The following KCNQ3 variants were observed in gnomAD, a reference collection of about 807,000 sequenced individuals.
The protein encoded by KCNQ3 is potassium voltage-gated channel subfamily KQT member 3.
KCNQ3 carries 30 observed loss-of-function variants against 92.5 expected under a neutral mutation model. That is an observed-to-expected ratio of 0.32 (90% CI 0.24 to 0.44). The LOEUF (loss-of-function observed/expected upper bound fraction) is 0.44, where lower values mean the gene tolerates loss of function less well. Ranked by LOEUF, KCNQ3 falls within the 20% of genes least tolerant of loss-of-function variation. The pLI is 1.00. For missense variants in KCNQ3, 913 were observed against 1,140.3 expected (o/e 0.80, Z 2.87); for synonymous variants, 450 against 468.8 (o/e 0.96, Z 0.52).
chr8:132,245,965 T>TA (rs1430784632), intron 1 of KCNQ3, among the ~76,000 whole-genome samples: 1 of 139,790 alleles, frequency 7.2e-6, no homozygotes, highest in Admixed American at 7.9e-5. Flanking sequence ...AGTTGGTGAA[T>TA]AAATATTCAC....
chr8:132,186,402 G>A (rs1826957163), intron 1 of KCNQ3, among the ~76,000 whole-genome samples: 1 of 152,214 alleles, frequency 6.6e-6, no homozygotes, highest in Admixed American at 6.5e-5. Flanking sequence ...TGACCAATGT[G>A]CATACTTTTA....
At chr8:132,187,918 T>TTGGTGGTGATAGTGATGGTGGTGGTGG (rs1827050771) in intron 1 of KCNQ3, among the ~76,000 whole-genome samples, 1 of 113,498 alleles carries the variant, frequency 8.8e-6, no homozygotes, top group Non-Finnish European at 1.9e-5. Flanking sequence ...GGTGGTGGTG[T>TTGGTGGTGATAGTGATGGTGGTGGTGG]TGGTGGTGAT....
At chr8:132,444,314 C>T (rs1440256602) in intron 1 of KCNQ3, among the ~76,000 whole-genome samples, 3 of 152,196 alleles carry the variant, frequency 2.0e-5, no homozygotes, top group African/African-American at 7.2e-5. Context: ...TGGCATTAAG[C>T]TCTGTTTCTG....
intron 8 of KCNQ3, among the ~76,000 whole-genome samples, chr8:132,169,505 G>A (rs895517890): frequency 9.9e-5 from 15 of 152,180 alleles, no homozygotes; most frequent in African/African-American, 2.4e-4. Flanking sequence ...ACGAAACAGC[G>A]TCTCTGGGTG....
intron 1 of KCNQ3, among the ~76,000 whole-genome samples, chr8:132,251,403 T>A (rs1316105348): frequency 6.6e-6 from 1 of 152,226 alleles, no homozygotes; most frequent in Admixed American, 6.5e-5. Context: ...ATGACCCCGT[T>A]GAAGATGCTG....
intron 1 of KCNQ3, among the ~76,000 whole-genome samples, chr8:132,338,255 TGTG>T (rs1485850029): frequency 2.6e-5 from 4 of 152,160 alleles, no homozygotes; most frequent in Non-Finnish European, 5.9e-5. Flanking sequence ...CACACATTAG[TGTG>T]TAAAGGCAGA....
intron 1 of KCNQ3, among the ~76,000 whole-genome samples, chr8:132,314,158 G>A (rs1817674649): frequency 1.3e-5 from 2 of 152,122 alleles, no homozygotes; most frequent in Admixed American, 1.3e-4. Flanking sequence ...GCTGTGAAGT[G>A]GCTGGATATA....
At chr8:132,425,799 T>TG (rs1157218490) in intron 1 of KCNQ3, among the ~76,000 whole-genome samples, 1 of 152,190 alleles carries the variant, frequency 6.6e-6, no homozygotes, top group Non-Finnish European at 1.5e-5. Flanking sequence ...ATTATTTAAG[T>TG]GGGGCACAAC....
intron 8 of KCNQ3, among the ~76,000 whole-genome samples, chr8:132,167,409 AG>A (rs1180963432): frequency 1.3e-5 from 2 of 152,204 alleles, no homozygotes; most frequent in East Asian, 1.9e-4. Context: ...TCACTTTAAA[AG>A]GGTACCTTTT....
Position 132,184,801 on chromosome 8 carries a change from T to G in KCNQ3, c.478-434A>C, listed in dbSNP as rs1263431069. 3.3e-5 allele frequency among the ~76,000 whole-genome samples: 5 copies of G among 152,170 alleles called. No individual in the cohort carries two copies. In the East Asian group the frequency reaches 9.6e-4, roughly 29 times the overall value. The stretch of plus-strand genomic sequence containing the variant: ...ATTGCTAATTGTGGCTAATGGTTAT[T>G]AAGCCTGGCTCCTGGGCCAGGCAGC... On this transcript the variant is annotated intron_variant, in intron 2 of 14. Transcript: ENST00000388996.
chr8:132,346,202 C>T (rs2130695809), intron 1 of KCNQ3, among the ~76,000 whole-genome samples: 1 of 152,208 alleles, frequency 6.6e-6, no homozygotes, highest in East Asian at 1.9e-4. Context: ...TCTTCTCTTC[C>T]CAGAGGGCTC....
intron 1 of KCNQ3, among the ~76,000 whole-genome samples, chr8:132,402,591 G>C (rs543734589): frequency 6.6e-6 from 1 of 152,232 alleles, no homozygotes; most frequent in Admixed American, 6.5e-5. Flanking sequence ...GGAGCACAGG[G>C]AACTTGTAAG....
chr8:132,260,466 TA>T (rs528100445), intron 1 of KCNQ3, among the ~76,000 whole-genome samples: 14 of 151,864 alleles, frequency 9.2e-5, no homozygotes, highest in East Asian at 7.7e-4. Flanking sequence ...TACAGGTAAT[TA>T]AAAAAAATAA....
Position 132,460,118 on chromosome 8 carries a change from T to C in KCNQ3, c.386+20029A>G, listed in dbSNP as rs539317341. ...AGATGCCCTTGGCTCACCTTGTATA[T>C]ATTTCCTGCCCCATCCTAGAATCAG... On this transcript the variant is annotated intron_variant, in intron 1 of 14. Coordinates refer to ENST00000388996, the MANE Select transcript of KCNQ3 (RefSeq NM_004519.4). 7.9e-5 allele frequency among the ~76,000 whole-genome samples: 12 copies of C among 152,242 alleles called. No homozygotes were observed. The South Asian group carries it at 1.7e-3, about 21-fold the overall frequency.
intron 1 of KCNQ3, among the ~76,000 whole-genome samples, chr8:132,200,985 G>C (rs1339275972): frequency 1.3e-5 from 2 of 152,130 alleles, no homozygotes; most frequent in African/African-American, 2.4e-5. Flanking sequence ...TGAGCATTTG[G>C]TGAGAGCCTT....
At chr8:132,417,206 G>A (rs1469028403) in intron 1 of KCNQ3, among the ~76,000 whole-genome samples, 1 of 152,232 alleles carries the variant, frequency 6.6e-6, no homozygotes, top group East Asian at 1.9e-4. Flanking sequence ...AAATCAACAA[G>A]GGAGGGTGAA....
At chr8:132,313,107 C>T (rs1007613014) in intron 1 of KCNQ3, among the ~76,000 whole-genome samples, 5 of 152,204 alleles carry the variant, frequency 3.3e-5, no homozygotes, top group African/African-American at 1.2e-4. Context: ...GTAACCCTGC[C>T]TGTTGGCAAA....
chr8:132,301,502 T>C (rs1021121004), intron 1 of KCNQ3, among the ~76,000 whole-genome samples: 4 of 152,164 alleles, frequency 2.6e-5, no homozygotes, highest in African/African-American at 9.7e-5. Context: ...AAATCGTAAA[T>C]AATAACAGGT....
intron 6 of KCNQ3, 98 bp downstream of exon 6, chr8:132,174,141 T>C: frequency 1.2e-6 from 1 of 853,516 alleles, no homozygotes; most frequent in Non-Finnish European, 1.9e-6. Context: ...TGGTAGGGTA[T>C]AAGAGGATAG....
Sources: allele counts gnomAD v4.1 joint callset (sites outside exome capture counted in the v4.1 genomes callset), GRCh38; gene constraint gnomAD v4.1.1; transcripts MANE v1.5; gene names NCBI Gene and HGNC (gene_info 2026-07-23, HGNC 2026-07-21).